ADH5: variants seen among roughly 807,000 people sequenced by gnomAD.
ADH5 encodes alcohol dehydrogenase class-3.
A neutral mutation model predicts 40.3 loss-of-function variants in ADH5; 32 were observed. The ratio of observed to expected loss-of-function variants is 0.79; its 90% confidence interval spans 0.60 to 1.07. ADH5 has a LOEUF of 1.07. Ranked by LOEUF, ADH5 falls within the 50% of genes least tolerant of loss-of-function variation. ADH5 has a pLI of 0.00. For missense variants in ADH5, 353 were observed against 460.5 expected (o/e 0.77, Z 2.14); for synonymous variants, 125 against 154.3 (o/e 0.81, Z 1.41).
intron 4 of ADH5, chr4:99,080,142 CG>C (rs1388493348): frequency 3.1e-6 from 1 of 319,682 alleles, no homozygotes; most frequent in East Asian, 1.0e-4. Flanking sequence ...AAGTTACATC[CG>C]GATGACAATG....
At chr4:99,084,581 T>C (rs971477512) in intron 2 of ADH5, among the ~76,000 whole-genome samples, 3 of 152,172 alleles carry the variant, frequency 2.0e-5, no homozygotes, top group South Asian at 4.1e-4. Flanking sequence ...AATAACTATA[T>C]GTATACTCGG....
chr4:99,085,849 A>G (rs1246989905), intron 1 of ADH5, among the ~76,000 whole-genome samples: 2 of 152,232 alleles, frequency 1.3e-5, no homozygotes, highest in Non-Finnish European at 2.9e-5. Flanking sequence ...CAACCTGGCC[A>G]GCATGGTGAA....
rs372874345 is a variant in ADH5, at chr4:99,075,064, A to G, written c.826-15T>C. 29 of 1,567,662 alleles carry G rather than the reference A, an allele frequency of 1.8e-5. No individual in the cohort carries two copies. The highest frequency in any genetic ancestry group is 2.5e-5 in the Non-Finnish European group (29 of 1,153,044). On this transcript the variant is annotated splice_polypyrimidine_tract_variant and intron_variant, in intron 6 of 8. Coordinates refer to ENST00000296412, the MANE Select transcript of ADH5 (RefSeq NM_000671.4). ...AGTGCTGCTCTCTGCAGGCACAGAG[A>G]TATGACCAAATCACAGAAGTCAGTG... is the stretch of plus-strand genomic sequence containing the variant.
intron 1 of ADH5, 79 bp from the exon 2 acceptor site, chr4:99,085,295 TA>T: frequency 1.8e-6 from 1 of 558,226 alleles, no homozygotes; most frequent in Non-Finnish European, 3.0e-6. Context: ...AGATACAGAT[TA>T]ATGCTAATCT....
intron 1 of ADH5, 126 bp downstream of exon 1, chr4:99,088,563 T>G: frequency 9.8e-7 from 1 of 1,022,096 alleles, no homozygotes; most frequent in Non-Finnish European, 1.4e-6. Context: ...GGGGGCCCAG[T>G]TTCAGAACCA....
intron 7 of ADH5, among the ~76,000 whole-genome samples, chr4:99,074,102 G>C (rs996753136): frequency 1.3e-5 from 2 of 152,128 alleles, no homozygotes; most frequent in Admixed American, 6.5e-5. Flanking sequence ...CTTCAAAAAA[G>C]CTGGCATAAT....
At chr4:99,082,638 A>T (rs888603196) in intron 2 of ADH5, among the ~76,000 whole-genome samples, 2 of 152,206 alleles carry the variant, frequency 1.3e-5, no homozygotes, top group African/African-American at 4.8e-5. Flanking sequence ...AGTTCTATTT[A>T]AATAAGCCTG....
At chr4:99,086,129 C>G (rs1728130226) in intron 1 of ADH5, among the ~76,000 whole-genome samples, 1 of 152,060 alleles carries the variant, frequency 6.6e-6, no homozygotes, top group Non-Finnish European at 1.5e-5. Context: ...AATATCTCAT[C>G]AACAGTATTT....
At chr4:99,087,765 T>C (rs1169479270) in intron 1 of ADH5, among the ~76,000 whole-genome samples, 5 of 152,168 alleles carry the variant, frequency 3.3e-5, no homozygotes, top group African/African-American at 1.2e-4. Context: ...ATAGTAACAA[T>C]TATAATCTTT....
In ADH5 at chr4:99,075,057, C is replaced by A. The variant is rs368604169; in HGVS notation, c.826-8G>T. ...TGCCTCAAGTGCTGCTCTCTGCAGGCACAGAGATATGACCAAATCACAGAA... is the reference window on the plus strand; with the variant it reads ...TGCCTCAAGTGCTGCTCTCTGCAGGAACAGAGATATGACCAAATCACAGAA... On this transcript the variant is annotated splice_polypyrimidine_tract_variant and splice_region_variant and intron_variant, in intron 6 of 8. Transcript: ENST00000296412. 5.0e-4 allele frequency: 791 copies of A among 1,594,518 alleles called. 1 individual carries two copies. The highest frequency in any genetic ancestry group is 6.3e-4 in the Non-Finnish European group (742 of 1,169,024).
intron 2 of ADH5, among the ~76,000 whole-genome samples, chr4:99,083,212 T>C (rs1419582651): frequency 6.6e-6 from 1 of 152,176 alleles, no homozygotes; most frequent in Non-Finnish European, 1.5e-5. Context: ...ACATCTTCAG[T>C]GGCAAAATCA....
intron 1 of ADH5, among the ~76,000 whole-genome samples, chr4:99,087,390 CG>C (rs1244131016): frequency 4.5e-4 from 1 of 2,220 alleles, no homozygotes; most frequent in Non-Finnish European, 1.0e-3. Flanking sequence ...TCTGAACTGG[CG>C]GGGGAGGGGG....
chr4:99,081,016 T>C (rs1242502424), intron 4 of ADH5, among the ~76,000 whole-genome samples: 2 of 152,172 alleles, frequency 1.3e-5, no homozygotes, highest in Non-Finnish European at 2.9e-5. Flanking sequence ...TTGTGAAGAC[T>C]CTGTTTCTCT....
At chr4:99,086,286 T>TCTAC in intron 1 of ADH5, among the ~76,000 whole-genome samples, 1 of 126,848 alleles carries the variant, frequency 7.9e-6, no homozygotes, top group East Asian at 2.6e-4. Context: ...TGACTAATTA[T>TCTAC]AGCACACAGA....
intron 2 of ADH5, among the ~76,000 whole-genome samples, chr4:99,083,819 C>A (rs1168845444): frequency 6.6e-6 from 1 of 151,916 alleles, no homozygotes; most frequent in Admixed American, 6.6e-5. Context: ...AATTTTATAT[C>A]AAAACAAGTA....
Position 99,088,682 on chromosome 4 carries a change from G to T in ADH5, c.12+7C>A. On this transcript the variant is annotated splice_region_variant and intron_variant, in intron 1 of 8. Coordinates refer to ENST00000296412, the MANE Select transcript of ADH5 (RefSeq NM_000671.4). Reference sequence around the variant, plus strand: ...GGACTCAGGGCCCTCCGCTCAACGGGCCCTACCTCGTTCGCCATGTTCACG... The same window carrying T: ...GGACTCAGGGCCCTCCGCTCAACGGTCCCTACCTCGTTCGCCATGTTCACG... 6.2e-7 allele frequency: 1 copy of T among 1,607,556 alleles called. No homozygotes were observed. The highest frequency in any genetic ancestry group is 8.5e-7 in the Non-Finnish European group (1 of 1,176,472).
intron 4 of ADH5, among the ~76,000 whole-genome samples, chr4:99,080,219 A>G (rs763257453): frequency 6.6e-6 from 1 of 152,236 alleles, no homozygotes; most frequent in African/African-American, 2.4e-5. Flanking sequence ...GAGGGAGAGA[A>G]AAGAAAAAAA....
intron 1 of ADH5, 136 bp from the exon 2 acceptor site, chr4:99,085,352 GAT>G (rs1222930705): frequency 2.2e-6 from 1 of 445,294 alleles, no homozygotes; most frequent in Non-Finnish European, 4.0e-6. Flanking sequence ...GCTTCCAAGT[GAT>G]ATGTTTTTAG....
chr4:99,085,243 C>T, intron 1 of ADH5, 27 bp from the exon 2 acceptor site: 2 of 1,275,494 alleles, frequency 1.6e-6, no homozygotes. Context: ...AGGGAATAAG[C>T]TGTTTATCCT....
Sources: allele counts gnomAD v4.1 joint callset (sites outside exome capture counted in the v4.1 genomes callset), GRCh38; gene constraint gnomAD v4.1.1; transcripts MANE v1.5; gene names NCBI Gene and HGNC (gene_info 2026-07-23, HGNC 2026-07-21).